Variants in ALPK2 observed in about 807,000 individuals in gnomAD.
The protein encoded by ALPK2 is alpha-protein kinase 2.
ALPK2 carries 127 observed loss-of-function variants against 163.1 expected under a neutral mutation model. The ratio of observed to expected loss-of-function variants is 0.78; its 90% CI spans 0.67 to 0.90. The LOEUF (loss-of-function observed/expected upper bound fraction) is 0.90, where lower values mean the gene tolerates loss of function less well. Ranked by LOEUF, ALPK2 falls within the 40% of genes least tolerant of loss-of-function variation. The pLI is 0.00. For missense variants in ALPK2, 2,360 were observed against 2,589.6 expected (o/e 0.91, Z 1.92); for synonymous variants, 953 against 959.1 (o/e 0.99, Z 0.12).
chr18:58,515,139 G>T, intron 9 of ALPK2, 58 bp from the exon 10 acceptor site: 1 of 1,317,924 alleles, frequency 7.6e-7, no homozygotes, highest in Non-Finnish European at 1.1e-6. Flanking sequence ...AGACAGTATT[G>T]CCCAGTAAGA....
intron 1 of ALPK2, among the ~76,000 whole-genome samples, chr18:58,613,708 A>AAAAATAAT (rs1296907485): frequency 1.1e-5 from 1 of 95,216 alleles, no homozygotes; most frequent in Non-Finnish European, 2.2e-5. Context: ...CAAAAAAAAA[A>AAAAATAAT]AATAATAATA....
intron 11 of ALPK2, among the ~76,000 whole-genome samples, chr18:58,498,737 G>A (rs2051414908): frequency 6.6e-6 from 1 of 152,180 alleles, no homozygotes; most frequent in African/African-American, 2.4e-5. Flanking sequence ...TTCATAAGGG[G>A]CTTCTCCTTT....
intron 3 of ALPK2, among the ~76,000 whole-genome samples, chr18:58,594,755 C>T (rs2052032813): frequency 6.6e-6 from 1 of 152,218 alleles, no homozygotes; most frequent in Admixed American, 6.5e-5. Context: ...TTTCACTCCC[C>T]TTTCACGTCC....
At position 58,580,096 on chromosome 18, in the gene ALPK2, T is replaced by C. The variant is rs373109036; in HGVS notation, c.680A>G (p.Gln227Arg). The C allele has an allele frequency of 6.2e-7, 1 of 1,614,148 alleles. No individual in the cohort carries two copies. The highest frequency in any genetic ancestry group is 8.5e-7 in the Non-Finnish European group (1 of 1,180,054). ...CACTGTCTTGTGGCAACATCTGTCT[T>C]GTTTTTCATAAATATGACTTGAATT... is the stretch of plus-strand genomic sequence containing the variant. ...FLNSSHIYEK[Q>R]DRCCHKTVHS... is the part of the protein sequence containing the mutation. The change falls in exon 4 of 13, where the codon CAA (glutamine) becomes CGA (arginine). Residue 227 changes from glutamine (Q) to arginine (R), a missense_variant. Coordinates refer to ENST00000361673, the MANE Select transcript of ALPK2 (RefSeq NM_052947.4).
chr18:58,577,076 G>A lies in ALPK2; in HGVS notation c.1962+1738C>T, dbSNP rs114575900. ...TGAATGTGTGTGTGAGTGTGTAAGC[G>A]AGACCTTCCATAGAGTACATGAGAT... On this transcript the variant is annotated intron_variant, in intron 4 of 12. Coordinates refer to ENST00000361673, the MANE Select transcript of ALPK2 (RefSeq NM_052947.4). Among the ~76,000 whole-genome samples the A allele has an allele frequency of 3.8e-3, 586 of 152,324 alleles. 1 individual carries two copies. Among genetic ancestry groups the A allele is most frequent in the South Asian group, 0.032 (153 of 4,820 alleles).
chr18:58,511,847 C>T (rs1282352389), intron 10 of ALPK2: 2 of 152,214 alleles, frequency 1.3e-5, no homozygotes, highest in South Asian at 2.1e-4. Flanking sequence ...GAGGCTTGCT[C>T]ATGAGCAGAA....
Position 58,579,693 on chromosome 18 carries a change from G to A in ALPK2, c.1083C>T (p.Asp361=), listed in dbSNP as rs527851037. 3.2e-5 allele frequency: 52 copies of A among 1,613,938 alleles called. No homozygotes were observed. Among genetic ancestry groups the A allele is most frequent in the African/African-American group, 1.2e-4 (9 of 74,944 alleles). ...AATGCTCACCGAATTCCATCTCTTC[G>A]TCATCGCTTTCTAATAAAAAAACAT... The part of the protein sequence containing the change: ...TEHVFLLESD[D]EEMEFGEHCL... Residue 361 remains aspartate (D), a synonymous_variant, in exon 4 of 13, where the codon GAC becomes GAT. Coordinates refer to ENST00000361673, the MANE Select transcript of ALPK2 (RefSeq NM_052947.4).
chr18:58,498,226 G>T, intron 11 of ALPK2, 129 bp from the exon 12 acceptor site: 1 of 824,106 alleles, frequency 1.2e-6, no homozygotes, highest in Non-Finnish European at 2.1e-6. Context: ...AACACTCGAG[G>T]CCTCTTTCAT....
rs1478568401 is a variant in ALPK2 at position 58,578,731 on chromosome 18, G to GACACACACAC, written c.1962+82_1962+83insGTGTGTGTGT. On this transcript the variant is annotated intron_variant, in intron 4 of 12. Coordinates refer to ENST00000361673, the MANE Select transcript of ALPK2 (RefSeq NM_052947.4). ...CAATTGTGAATGTGAAGTAAAGGAAGAGACACACACACACACACACACACA... is the reference window on the plus strand; with the variant it reads ...CAATTGTGAATGTGAAGTAAAGGAAGACACACACACAGACACACACACACACACACACACA... The GACACACACAC allele has an allele frequency of 2.1e-3, 223 of 104,264 alleles. 3 individuals carry two copies. Among genetic ancestry groups the GACACACACAC allele is most frequent in the African/African-American group, 0.019 (98 of 5,294 alleles). The allele number at this position is 104,264 out of a possible 1,614,324, so 6.5% of individuals were successfully genotyped here. A position where few individuals can be genotyped will look rare whatever the true frequency, so the allele number is the denominator to read the frequency against.
intron 10 of ALPK2, among the ~76,000 whole-genome samples, chr18:58,509,752 T>G (rs1002179150): frequency 2.0e-5 from 3 of 151,910 alleles, no homozygotes; most frequent in African/African-American, 7.3e-5. Flanking sequence ...TCTTGTAAAT[T>G]TGTTTGAGTT....
Position 58,580,435 on chromosome 18 carries a change from G to A in ALPK2, c.341C>T (p.Ser114Phe), listed in dbSNP as rs749990016. 2.7e-5 allele frequency: 43 copies of A among 1,614,052 alleles called. No homozygotes were observed. Among genetic ancestry groups the A allele is most frequent in the Non-Finnish European group, 3.6e-5 (42 of 1,180,052 alleles). The change falls in exon 4 of 13, where the codon TCT (serine) becomes TTT (phenylalanine). Residue 114 changes from serine (S) to phenylalanine (F), a missense_variant. Physicochemically the swap from Ser to Phe is radical, Grantham distance 155. Transcript: ENST00000361673. Reference protein sequence around the residue: ...VECSSENPQLSPNLEDDRDRG... With the variant: ...VECSSENPQLFPNLEDDRDRG... ...GTCCCTGTCATCTTCCAGGTTAGGA[G>A]ACAATTGTGGGTTCTCTGATGAGCA...
chr18:58,565,061 TG>T (rs1170858284), intron 4 of ALPK2, among the ~76,000 whole-genome samples: 1 of 152,188 alleles, frequency 6.6e-6, no homozygotes, highest in Non-Finnish European at 1.5e-5. Flanking sequence ...GGGCATAAAT[TG>T]TATCGTATTG....
At position 58,517,156 on chromosome 18, in the gene ALPK2, G is replaced by C; in HGVS notation, c.5692C>G (p.Leu1898Val). ...KGCEEIEFSQLIFKEDFLHDS... is the reference protein window; with the variant it reads ...KGCEEIEFSQVIFKEDFLHDS... ...TGGAGGAAGTCTTCTTTGAAGATGA[G>C]TTGGCTGAATTCAATCTCTTCACAT... is the stretch of plus-strand genomic sequence containing the variant. The change falls in exon 9 of 13, where the codon CTC (leucine) becomes GTC (valine). Residue 1898 changes from leucine (L) to valine (V), a missense_variant. Leu to Val is a conservative substitution (Grantham distance 32, BLOSUM62 1). Transcript: ENST00000361673. 6.2e-7 allele frequency: 1 copy of C among 1,614,096 alleles called. No individual in the cohort carries two copies. Among genetic ancestry groups the C allele is most frequent in the Non-Finnish European group, 8.5e-7 (1 of 1,179,964 alleles).
At chr18:58,482,722 A>G (rs1046473103) in intron 12 of ALPK2, among the ~76,000 whole-genome samples, 2 of 152,168 alleles carry the variant, frequency 1.3e-5, no homozygotes, top group African/African-American at 2.4e-5. Flanking sequence ...GAGTAGTCTC[A>G]GGGGTTGTTC....
At chr18:58,596,683 C>CACA (rs2052042939) in intron 3 of ALPK2, among the ~76,000 whole-genome samples, 1 of 152,242 alleles carries the variant, frequency 6.6e-6, no homozygotes, top group Non-Finnish European at 1.5e-5. Context: ...ACCAACAAGC[C>CACA]ACAGTTCATT....
intron 4 of ALPK2, among the ~76,000 whole-genome samples, chr18:58,569,516 A>C (rs1429656774): frequency 6.6e-6 from 1 of 152,210 alleles, no homozygotes; most frequent in Non-Finnish European, 1.5e-5. Context: ...GAGAATGCAG[A>C]TTCTGATTCA....
intron 11 of ALPK2, among the ~76,000 whole-genome samples, chr18:58,503,048 C>T (rs1485941603): frequency 2.0e-5 from 3 of 152,228 alleles, no homozygotes; most frequent in Non-Finnish European, 2.9e-5. Context: ...CCTCTACTGG[C>T]GTTTCCTGGG....
At chr18:58,603,975 C>T (rs2052085280) in intron 3 of ALPK2, among the ~76,000 whole-genome samples, 1 of 152,124 alleles carries the variant, frequency 6.6e-6, no homozygotes, top group Non-Finnish European at 1.5e-5. Flanking sequence ...ATCTCTTCCC[C>T]GCCGTCTCAC....
intron 4 of ALPK2, among the ~76,000 whole-genome samples, chr18:58,577,771 G>T (rs6566984): frequency 2.0e-5 from 3 of 151,954 alleles, no homozygotes; most frequent in Admixed American, 1.3e-4. Flanking sequence ...TTATGACTGG[G>T]TCTATAGAAA....
Sources: allele counts gnomAD v4.1 joint callset (sites outside exome capture counted in the v4.1 genomes callset), GRCh38; gene constraint gnomAD v4.1.1; transcripts MANE v1.5; gene names NCBI Gene and HGNC (gene_info 2026-07-23, HGNC 2026-07-21).